The following GLB1 variants were observed in gnomAD, a reference collection of about 807,000 sequenced individuals.
The protein encoded by GLB1 is galactosidase beta 1.
In GLB1, 56 loss-of-function variants were observed where a neutral mutation model predicts 74.0. The ratio of observed to expected loss-of-function variants is 0.76; its 90% confidence interval spans 0.61 to 0.94. GLB1 has a LOEUF of 0.94. Ranked by LOEUF, GLB1 falls within the 40% of genes least tolerant of loss-of-function variation. GLB1 has a pLI of 0.00. For synonymous variants in GLB1, 323 were observed against 323.6 expected (o/e 1.00, Z 0.02); for missense variants, 787 against 845.5 (o/e 0.93, Z 0.86).
chr3:33,088,800 T>G (rs1045978035), intron 1 of GLB1, among the ~76,000 whole-genome samples: 2 of 152,184 alleles, frequency 1.3e-5, no homozygotes, highest in Non-Finnish European at 2.9e-5. Flanking sequence ...AAAATTCATA[T>G]GGAATCTCAA....
intron 15 of GLB1, among the ~76,000 whole-genome samples, chr3:33,013,060 G>T (rs770761827): frequency 5.9e-5 from 9 of 152,042 alleles, no homozygotes; most frequent in African/African-American, 1.2e-4. Flanking sequence ...AAACTTTAAC[G>T]TGGCCTATAA....
At chr3:33,017,445 A>G (rs1264894928) in intron 13 of GLB1, among the ~76,000 whole-genome samples, 1 of 152,252 alleles carries the variant, frequency 6.6e-6, no homozygotes, top group Non-Finnish European at 1.5e-5. Context: ...CCAAGTTAGA[A>G]GCGAAGAAAC....
intron 10 of GLB1, among the ~76,000 whole-genome samples, chr3:33,028,156 G>C (rs934794871): frequency 2.0e-5 from 3 of 152,068 alleles, no homozygotes; most frequent in Admixed American, 2.0e-4. Context: ...CTCCCACCTT[G>C]GCCTACCAAA....
intron 6 of GLB1, among the ~76,000 whole-genome samples, chr3:33,054,475 T>C (rs187640353): frequency 1.5e-4 from 23 of 152,292 alleles, no homozygotes; most frequent in Admixed American, 4.6e-4. Context: ...TGGACACATA[T>C]CTTGTGGGCT....
the GLB1 span, among the ~76,000 whole-genome samples, chr3:32,977,809 G>C: frequency 0.034 from 5,188 of 152,226 alleles, 228 homozygotes; most frequent in East Asian, 0.17. Context: ...CACTGACACC[G>C]TTCAGGGGAA....
At chr3:33,000,404 T>C (rs1696508340) in intron 15 of GLB1, among the ~76,000 whole-genome samples, 1 of 152,198 alleles carries the variant, frequency 6.6e-6, no homozygotes, top group Non-Finnish European at 1.5e-5. Context: ...CTTAACCATA[T>C]GTGGTTAAAA....
chr3:33,033,879 A>C, intron 10 of GLB1: 1 of 518,518 alleles, frequency 1.9e-6, no homozygotes, highest in Non-Finnish European at 3.9e-6. Context: ...TCAGTAATTA[A>C]CACTGTGGAT....
chr3:33,068,371 A>G (rs1699771671), intron 3 of GLB1, 81 bp from the exon 4 acceptor site: 1 of 1,573,326 alleles, frequency 6.4e-7, no homozygotes, highest in Non-Finnish European at 8.6e-7. Flanking sequence ...ATTAGTAGTT[A>G]TGGAAAAGAA....
At chr3:33,040,536 CG>C (rs994491869) in intron 10 of GLB1, among the ~76,000 whole-genome samples, 22 of 152,064 alleles carry the variant, frequency 1.4e-4, no homozygotes, top group African/African-American at 5.1e-4. Context: ...CACTTGAGCC[CG>C]GGAGGTTGAG....
chr3:33,088,221 T>C (rs536607409), intron 1 of GLB1, among the ~76,000 whole-genome samples: 1 of 152,290 alleles, frequency 6.6e-6, no homozygotes, highest in East Asian at 1.9e-4. Flanking sequence ...AGATGTCTGT[T>C]TTTGCCACTT....
chr3:33,092,269 A>G (rs1247524526), intron 1 of GLB1: 5 of 986,190 alleles, frequency 5.1e-6, no homozygotes, highest in African/African-American at 1.7e-5. Flanking sequence ...GATGCCCTCA[A>G]TAGAGGTGAT....
At chr3:33,092,389 G>A in intron 1 of GLB1, 1 of 991,078 alleles carries the variant, frequency 1.0e-6, no homozygotes, top group Non-Finnish European at 1.2e-6. Context: ...CCCCAGAAAG[G>A]CTCTGGATCA....
At chr3:33,073,450 G>C (rs1185065286) in intron 1 of GLB1, among the ~76,000 whole-genome samples, 2 of 152,178 alleles carry the variant, frequency 1.3e-5, no homozygotes, top group Non-Finnish European at 2.9e-5. Context: ...AACTTTGGGA[G>C]GCCAAGGCAG....
At chr3:33,094,441 TTTA>T (rs756530682) in intron 1 of GLB1, 58 of 1,073,016 alleles carry the variant, frequency 5.4e-5, no homozygotes, top group Admixed American at 1.9e-4. Context: ...CTAGCTATAC[TTTA>T]TTATTCAAAA....
chr3:33,044,686 A>G (rs1282966681), intron 10 of GLB1, among the ~76,000 whole-genome samples: 2 of 152,198 alleles, frequency 1.3e-5, no homozygotes, highest in Non-Finnish European at 2.9e-5. Flanking sequence ...TGTATTTTTT[A>G]TATTTAAAAA....
chr3:32,992,017 T>A (rs1050116764), downstream of GLB1, among the ~76,000 whole-genome samples: 1 of 152,250 alleles, frequency 6.6e-6, no homozygotes, highest in Non-Finnish European at 1.5e-5. Context: ...GAATTCAATA[T>A]GTTGGCACTG....
chr3:33,011,685 T>C (rs1251088272), intron 15 of GLB1, among the ~76,000 whole-genome samples: 1 of 128,872 alleles, frequency 7.8e-6, no homozygotes, highest in Non-Finnish European at 1.7e-5. Context: ...ATAATGAAAA[T>C]ACATTTCAAT....
chr3:32,973,373 G>T, the GLB1 span, among the ~76,000 whole-genome samples: 1 of 151,836 alleles, frequency 6.6e-6, no homozygotes, highest in Non-Finnish European at 1.5e-5. Flanking sequence ...TCACTTTGTT[G>T]CCCAGGCTGG....
downstream of GLB1, among the ~76,000 whole-genome samples, chr3:32,992,687 A>G (rs1332726847): frequency 6.6e-6 from 1 of 152,096 alleles, no homozygotes. Flanking sequence ...GTATCTTAGG[A>G]GACAGTGCTG....
Sources: gnomAD v4.1 joint callset for allele counts (sites outside exome capture counted in the v4.1 genomes callset) on GRCh38, gnomAD v4.1.1 for gene constraint, MANE v1.5 for transcripts, NCBI Gene and HGNC (gene_info 2026-07-23, HGNC 2026-07-21) for gene names.